The following GLUL variants were observed in gnomAD, a reference collection of about 807,000 sequenced individuals.
GLUL encodes glutamate-ammonia ligase.
A neutral mutation model predicts 36.9 loss-of-function variants in GLUL; 8 were observed. The observed-to-expected ratio is 0.22, with a 90% CI of 0.13 to 0.39. The LOEUF is 0.39. GLUL is among the 10% of genes least tolerant of loss of function. GLUL has a pLI of 1.00. For missense variants in GLUL, 315 were observed against 501.8 expected (o/e 0.63, Z 3.56); for synonymous variants, 182 against 172.8 (o/e 1.05, Z -0.42).
intron 2 of GLUL, 93 bp from the exon 3 acceptor site, chr1:182,387,385 C>A (rs1571408609): frequency 1.1e-6 from 1 of 888,634 alleles, no homozygotes; most frequent in South Asian, 1.3e-5. Context: ...CTTCCCATCT[C>A]TAAATATCTC....
chr1:182,383,412 A>C lies in GLUL; in HGVS notation c.*993T>G, dbSNP rs1280852646. The C allele has an allele frequency of 1.3e-5, 2 of 152,182 alleles. No homozygotes were observed. The highest frequency in any genetic ancestry group is 2.9e-5 in the Non-Finnish European group (2 of 68,040). The allele number at this position is 152,182 out of a possible 1,614,324, so 9.4% of individuals were successfully genotyped here. On this transcript the variant is annotated 3_prime_UTR_variant, in exon 7 of 7. Transcript: ENST00000331872. ...TGCTCAAGTTGACCAGCCAACTCTT[A>C]TCTCTAAACCTATGTGGACAAGTGT... is the stretch of plus-strand genomic sequence containing the variant.
In GLUL at chr1:182,379,742, C is replaced by T. The variant is rs1649861497; in HGVS notation, c.*4663G>A. On this transcript the variant is annotated 3_prime_UTR_variant, in exon 7 of 7. Transcript: ENST00000331872. ...GTAGAGATGGGGTTTTGTCATGTTG[C>T]CCAGGCTAGTCTCGAACTTCTGAGC... is the stretch of plus-strand genomic sequence containing the variant. Among the ~76,000 whole-genome samples, 1 of 151,496 alleles carries T rather than the reference C, an allele frequency of 6.6e-6. No individual in the cohort carries two copies. Among genetic ancestry groups the T allele is most frequent in the Non-Finnish European group, 1.5e-5 (1 of 67,908 alleles).
intron 4 of GLUL, 116 bp from the exon 5 acceptor site, chr1:182,386,003 G>T: frequency 9.0e-7 from 1 of 1,113,352 alleles, no homozygotes; most frequent in Non-Finnish European, 1.4e-6. Flanking sequence ...GCCTTCATCT[G>T]CAGGTGCGGG....
At position 182,380,103 on chromosome 1, in the gene GLUL, C is replaced by A. The variant is rs2101925432; in HGVS notation, c.*4302G>T. 6.6e-6 allele frequency among the ~76,000 whole-genome samples: 1 copy of A among 152,104 alleles called. No homozygotes were observed. Among genetic ancestry groups the A allele is most frequent in the South Asian group, 2.1e-4 (1 of 4,812 alleles). On this transcript the variant is annotated 3_prime_UTR_variant, in exon 7 of 7. Transcript: ENST00000331872. ...TCTCAGGTGATCCACCTGCCTCGGC[C>A]TCTCAAGGTGCTGGGATTATAGGCA...
Position 182,379,152 on chromosome 1 carries a change from A to T in GLUL, c.*5253T>A, listed in dbSNP as rs12568730. Among the ~76,000 whole-genome samples the T allele has an allele frequency of 0.16, 24,166 of 152,184 alleles. 2,462 individuals are homozygous for T. Among genetic ancestry groups the T allele is most frequent in the East Asian group, 0.4 (2,053 of 5,182 alleles). ...GCTATAAAATGGCAGGGTTCTAATCAGCTCAGATTGTTTTCAGTAGAAATG... is the reference window on the plus strand; with the variant it reads ...GCTATAAAATGGCAGGGTTCTAATCTGCTCAGATTGTTTTCAGTAGAAATG... On this transcript the variant is annotated 3_prime_UTR_variant, in exon 7 of 7. Coordinates refer to ENST00000331872, the MANE Select transcript of GLUL (RefSeq NM_001033044.4).
At chr1:182,385,039 CAT>C (rs71785633) in intron 6 of GLUL, 176,524 of 317,820 alleles carry the variant, frequency 0.56, 51,889 homozygotes, top group East Asian at 0.81. Context: ...GTCACCATGA[CAT>C]ATGTCACAAA....
chr1:182,387,439 T>C (rs955248197), intron 2 of GLUL, 147 bp from the exon 3 acceptor site: 13 of 720,062 alleles, frequency 1.8e-5, no homozygotes, highest in African/African-American at 1.7e-4. Context: ...CATTAATATG[T>C]ATACCCTGGC....
At chr1:182,386,698 C>T in intron 3 of GLUL, 1 of 497,332 alleles carries the variant, frequency 2.0e-6, no homozygotes, top group Admixed American at 3.2e-5. Context: ...GCATTCTGGC[C>T]ACCTCCCAAG....
Position 182,379,788 on chromosome 1 carries a change from G to A in GLUL, c.*4617C>T, listed in dbSNP as rs1026820998. ...TGAGCTCAAGTGATCTACCTGCCTCGGCTTTTCAAAGTGCTGGGATTACAG... is the reference window on the plus strand; with the variant it reads ...TGAGCTCAAGTGATCTACCTGCCTCAGCTTTTCAAAGTGCTGGGATTACAG... On this transcript the variant is annotated 3_prime_UTR_variant, in exon 7 of 7. Coordinates refer to ENST00000331872, the MANE Select transcript of GLUL (RefSeq NM_001033044.4). Among the ~76,000 whole-genome samples the A allele has an allele frequency of 5.9e-5, 9 of 151,414 alleles. No homozygotes were observed. Among genetic ancestry groups the A allele is most frequent in the African/African-American group, 1.7e-4 (7 of 41,116 alleles).
At chr1:182,386,023 G>A (rs1650165420) in intron 4 of GLUL, 136 bp from the exon 5 acceptor site, 3 of 955,474 alleles carry the variant, frequency 3.1e-6, no homozygotes, top group Admixed American at 1.8e-5. Flanking sequence ...GGCAGGGGAG[G>A]GGCAATAGGG....
rs1649982221 is a variant in GLUL, at chr1:182,382,565, G to A, written c.*1840C>T. 6.6e-6 allele frequency: 1 copy of A among 152,230 alleles called. No homozygotes were observed. The highest frequency in any genetic ancestry group is 2.1e-4 in the South Asian group (1 of 4,834). 9.4% of individuals were successfully genotyped at this position (152,230 alleles called of 1,614,324 possible). A position where few individuals can be genotyped will look rare whatever the true frequency, so the allele number is the denominator to read the frequency against. On this transcript the variant is annotated 3_prime_UTR_variant, in exon 7 of 7. Transcript: ENST00000331872. The stretch of plus-strand genomic sequence containing the variant: ...ACATTATGTTAGGCTATTGTATTAG[G>A]CTAGGAATGGTCAAAACAATGTTAT...
rs61806927 is a variant in GLUL at position 182,380,813 on chromosome 1, G to C, written c.*3592C>G. The stretch of plus-strand genomic sequence containing the variant: ...CTCTTGCTTTCATGAAGTTCAACTA[G>C]AAAGTCCTGTCGAATGATGAGACAT... On this transcript the variant is annotated 3_prime_UTR_variant, in exon 7 of 7. Transcript: ENST00000331872. 6.6e-6 allele frequency among the ~76,000 whole-genome samples: 1 copy of C among 152,194 alleles called. No homozygotes were observed.
chr1:182,384,970 A>G lies in GLUL; in HGVS notation c.804-247T>C, dbSNP rs144040685. On this transcript the variant is annotated intron_variant, in intron 6 of 6. Transcript: ENST00000331872. ...GCATTAAGCTTATCCACATGCCTGT[A>G]TTGTTACTAATTTAGTTCTAAAAGA... is the stretch of plus-strand genomic sequence containing the variant. 2.4e-3 allele frequency: 1,267 copies of G among 518,764 alleles called. 12 individuals are homozygous for G. Among genetic ancestry groups the G allele is most frequent in the African/African-American group, 0.016 (814 of 52,488 alleles). 32.1% of individuals were successfully genotyped at this position (518,764 alleles called of 1,614,324 possible).
intron 4 of GLUL, 63 bp downstream of exon 4, chr1:182,386,193 A>AAG: frequency 6.8e-7 from 1 of 1,464,086 alleles, no homozygotes; most frequent in Non-Finnish European, 9.6e-7. Context: ...CATCCCTGGG[A>AAG]AGGGGCATTC....
rs201149359 is a variant in GLUL, at chr1:182,384,471, T to C, written c.1056A>G (p.Thr352=). ...PSANCDPFSV[T]EALIRTCLLN... Reference sequence around the variant, plus strand: ...GAAGACACGTGCGGATGAGGGCTTCTGTCACCGAAAAGGGGTCGCAGTTGG... The same window carrying C: ...GAAGACACGTGCGGATGAGGGCTTCCGTCACCGAAAAGGGGTCGCAGTTGG... Residue 352 remains threonine, a synonymous_variant, in exon 7 of 7, where the codon ACA becomes ACG. Coordinates refer to ENST00000331872, the MANE Select transcript of GLUL (RefSeq NM_001033044.4). 7 of 1,613,922 alleles carry C rather than the reference T, an allele frequency of 4.3e-6. No individual in the cohort carries two copies. The African/African-American group carries it at 5.3e-5, about 12-fold the overall frequency.
Position 182,386,374 on chromosome 1 carries a change from C to T in GLUL, c.357G>A (p.Arg119=), listed in dbSNP as rs1343264099. The part of the protein sequence containing the change: ...AETNLRHTCK[R]IMDMVSNQHP... Reference sequence around the variant, plus strand: ...GCTGGTTGCTCACCATGTCCATTATCCGTTTACAGGTGTGCCTCAAATTGG... The same window carrying T: ...GCTGGTTGCTCACCATGTCCATTATTCGTTTACAGGTGTGCCTCAAATTGG... Residue 119 remains arginine, a synonymous_variant, in exon 4 of 7, where the codon CGG becomes CGA. Transcript: ENST00000331872. The T allele has an allele frequency of 3.1e-6, 5 of 1,612,716 alleles. No homozygotes were observed. The South Asian group carries it at 3.3e-5, about 11-fold the overall frequency.
rs1034337576 is a variant in GLUL at position 182,385,611 on chromosome 1, G to C, written c.604-55C>G. 109 of 1,567,784 alleles carry C rather than the reference G, an allele frequency of 7.0e-5. 1 individual carries two copies. Among genetic ancestry groups the C allele is most frequent in the Middle Eastern group, 5.0e-4 (3 of 5,954 alleles). On this transcript the variant is annotated intron_variant, in intron 5 of 6. Transcript: ENST00000331872. ...AAAGCTAACTGCTCACTCCAACTCAGAATCTCCTAAACCTGTTCTCTTCTC... is the reference window on the plus strand; with the variant it reads ...AAAGCTAACTGCTCACTCCAACTCACAATCTCCTAAACCTGTTCTCTTCTC...
intron 4 of GLUL, 66 bp from the exon 5 acceptor site, chr1:182,385,953 A>C: frequency 6.6e-7 from 1 of 1,515,256 alleles, no homozygotes; most frequent in Non-Finnish European, 9.2e-7. Context: ...GTCAGAGATC[A>C]GAAGGCCCTT....
Position 182,379,516 on chromosome 1 carries a change from C to T in GLUL, c.*4889G>A, listed in dbSNP as rs1649850452. 6.6e-6 allele frequency among the ~76,000 whole-genome samples: 1 copy of T among 152,032 alleles called. No individual in the cohort carries two copies. Among genetic ancestry groups the T allele is most frequent in the Admixed American group, 6.6e-5 (1 of 15,248 alleles). Reference sequence around the variant, plus strand: ...AGGATTACAGGCTTGAGCCACCACACCCAGCCTAAACTGCCAGTTTACATC... The same window carrying T: ...AGGATTACAGGCTTGAGCCACCACATCCAGCCTAAACTGCCAGTTTACATC... On this transcript the variant is annotated 3_prime_UTR_variant, in exon 7 of 7. Coordinates refer to ENST00000331872, the MANE Select transcript of GLUL (RefSeq NM_001033044.4).
Sources: allele counts gnomAD v4.1 joint callset (sites outside exome capture counted in the v4.1 genomes callset), GRCh38; gene constraint gnomAD v4.1.1; transcripts MANE v1.5; gene names NCBI Gene and HGNC (gene_info 2026-07-23, HGNC 2026-07-21).